MID1: variants seen among roughly 807,000 people sequenced by gnomAD.
The protein encoded by MID1 is midline 1.
In MID1, 7 loss-of-function variants were observed where a neutral mutation model predicts 40.4. That is an observed-to-expected ratio of 0.17 (90% CI 0.10 to 0.33). MID1 has a LOEUF of 0.33. Among genes scored for constraint, MID1 ranks in the 10% least tolerant of loss-of-function variants. MID1 has a pLI of 1.00. For missense variants in MID1, 367 were observed against 558.5 expected (o/e 0.66, Z 3.46); for synonymous variants, 229 against 221.2 (o/e 1.04, Z -0.31).
intron 1 of MID1, among the ~76,000 whole-genome samples, chrX:10,698,331 T>C (rs1180724148): frequency 8.9e-6 from 1 of 112,470 alleles, no homozygotes; most frequent in Non-Finnish European, 1.9e-5. Context: ...ATGTAAATGA[T>C]GATCTGCCTT....
chrX:10,613,756 GAGAGAGAGAGAGAC>G (rs1243102859), intron 1 of MID1, among the ~76,000 whole-genome samples: 46 of 88,725 alleles, frequency 5.2e-4, no homozygotes, highest in African/African-American at 1.8e-3. Context: ...GAGAGAGAGA[GAGAGAGAGAGAGAC>G]AGACAGACAG....
chrX:10,754,195 C>G (rs946964354), intron 1 of MID1, among the ~76,000 whole-genome samples: 2 of 111,920 alleles, frequency 1.8e-5, no homozygotes, highest in Non-Finnish European at 3.8e-5. Context: ...TGCCTGAGTG[C>G]TGAATTCCTG....
At chrX:10,674,961 A>G (rs1056194557) in intron 1 of MID1, among the ~76,000 whole-genome samples, 1 of 112,772 alleles carries the variant, frequency 8.9e-6, no homozygotes, top group African/African-American at 3.2e-5. Flanking sequence ...GTGCATGCAA[A>G]GAAACTGTAT....
intron 2 of MID1, among the ~76,000 whole-genome samples, chrX:10,533,395 G>A (rs4996836): frequency 0.074 from 2,297 of 31,131 alleles, 39 homozygotes; most frequent in East Asian, 0.13. Flanking sequence ...AGAAAGAAAA[G>A]AAAGAAAGAA....
chrX:10,635,087 T>C (rs1434010631), intron 1 of MID1, among the ~76,000 whole-genome samples: 3 of 112,364 alleles, frequency 2.7e-5, no homozygotes, highest in African/African-American at 9.7e-5. Context: ...TAATAAGGTA[T>C]TACTCATGGG....
intron 1 of MID1, among the ~76,000 whole-genome samples, chrX:10,687,456 C>T (rs1264369876): frequency 8.9e-6 from 1 of 112,028 alleles, no homozygotes; most frequent in African/African-American, 3.2e-5. Context: ...CCATCACCTT[C>T]TTTTGTTCAA....
intron 1 of MID1, among the ~76,000 whole-genome samples, chrX:10,758,395 A>C (rs770337012): frequency 1.8e-5 from 2 of 108,664 alleles, no homozygotes; most frequent in South Asian, 8.0e-4. Context: ...TCTGTAGGCC[A>C]CTGACAAAGA....
At chrX:10,688,383 C>A (rs1379382692) in intron 1 of MID1, among the ~76,000 whole-genome samples, 2 of 111,367 alleles carry the variant, frequency 1.8e-5, no homozygotes, top group African/African-American at 3.3e-5. Context: ...TATCCTCTTT[C>A]TGACAAATAT....
chrX:10,831,230 C>T (rs1010229788), intron 1 of MID1, among the ~76,000 whole-genome samples: 11 of 111,873 alleles, frequency 9.8e-5, no homozygotes, highest in Non-Finnish European at 1.9e-4. Flanking sequence ...GAATGTTTCT[C>T]AAAATGATCA....
At chrX:10,598,906 T>C (rs747437715) in intron 1 of MID1, among the ~76,000 whole-genome samples, 58 of 111,785 alleles carry the variant, frequency 5.2e-4, no homozygotes, top group Non-Finnish European at 8.1e-4. Context: ...AATGGGGTGT[T>C]GGTTTAATCT....
intron 1 of MID1, among the ~76,000 whole-genome samples, chrX:10,637,478 AGC>A (rs1396859610): frequency 9.1e-6 from 1 of 109,938 alleles, no homozygotes; most frequent in Non-Finnish European, 1.9e-5. Context: ...TACAAAAATT[AGC>A]CAGGCATGGT....
Position 10,635,367 on chromosome X carries a change from C to G in MID1, c.-186-14948G>C, listed in dbSNP as rs184785094. 1.2e-3 allele frequency among the ~76,000 whole-genome samples: 139 copies of G among 112,080 alleles called. 1 individual carries two copies. Among genetic ancestry groups the G allele is most frequent in the Non-Finnish European group, 1.8e-3 (96 of 53,194 alleles). Reference sequence around the variant, plus strand: ...ATTTCAAATGCTTCTAATGATAGTTCCACTCTATGAATATGATACCACTTA... The same window carrying G: ...ATTTCAAATGCTTCTAATGATAGTTGCACTCTATGAATATGATACCACTTA... On this transcript the variant is annotated intron_variant, in intron 1 of 10. Transcript: ENST00000380785.
intron 7 of MID1, among the ~76,000 whole-genome samples, chrX:10,463,931 TTC>T (rs1334718019): frequency 8.9e-6 from 1 of 112,430 alleles, no homozygotes; most frequent in Non-Finnish European, 1.9e-5. Context: ...TCTGAATGAA[TTC>T]TTTCTTTGTC....
At chrX:10,768,613 A>C (rs1024909282) in intron 1 of MID1, among the ~76,000 whole-genome samples, 8 of 111,386 alleles carry the variant, frequency 7.2e-5, no homozygotes, top group African/African-American at 2.6e-4. Context: ...GGGCTCAGTT[A>C]CCATTCAACA....
intron 1 of MID1, among the ~76,000 whole-genome samples, chrX:10,715,575 A>T (rs1226209778): frequency 8.9e-6 from 1 of 112,022 alleles, no homozygotes; most frequent in Non-Finnish European, 1.9e-5. Flanking sequence ...AGCCCACCGC[A>T]GCTCAAGGAG....
In MID1 at chrX:10,531,809, G is replaced by A. The variant is rs759001133; in HGVS notation, c.661-8622C>T. Reference sequence around the variant, plus strand: ...CTAGTTATTTCCAGGTATTAGAGATGTGAATGGCCTTTTTTATTCACTCCT... The same window carrying A: ...CTAGTTATTTCCAGGTATTAGAGATATGAATGGCCTTTTTTATTCACTCCT... On this transcript the variant is annotated intron_variant, in intron 2 of 9. Coordinates refer to ENST00000317552, the MANE Select transcript of MID1 (RefSeq NM_000381.4). 2.7e-5 allele frequency among the ~76,000 whole-genome samples: 3 copies of A among 111,865 alleles called. No individual in the cohort carries two copies. The South Asian group carries it at 1.1e-3, about 42-fold the overall frequency.
At chrX:10,790,165 C>A (rs902176680) in intron 1 of MID1, among the ~76,000 whole-genome samples, 2 of 109,103 alleles carry the variant, frequency 1.8e-5, no homozygotes, top group African/African-American at 6.9e-5. Context: ...CTTTCCTGCT[C>A]TGCTTTCTTT....
chrX:10,784,332 T>C (rs997834642), intron 1 of MID1, among the ~76,000 whole-genome samples: 5 of 111,889 alleles, frequency 4.5e-5, no homozygotes, highest in African/African-American at 1.6e-4. Flanking sequence ...AGCATTCATA[T>C]GAGATTTGAA....
intron 1 of MID1, among the ~76,000 whole-genome samples, chrX:10,688,112 A>G (rs992758512): frequency 1.8e-5 from 2 of 111,682 alleles, no homozygotes; most frequent in African/African-American, 6.5e-5. Flanking sequence ...TTCCTACCTC[A>G]GCCTCCTACG....
Sources: gnomAD v4.1 joint callset for allele counts (sites outside exome capture counted in the v4.1 genomes callset) on GRCh38, gnomAD v4.1.1 for gene constraint, MANE v1.5 for transcripts, NCBI Gene and HGNC (gene_info 2026-07-23, HGNC 2026-07-21) for gene names.